The following PROCR variants were observed in gnomAD, a reference collection of about 807,000 sequenced individuals.
PROCR encodes the protein protein C receptor.
In PROCR, 22 loss-of-function variants were observed where a neutral mutation model predicts 24.2. The observed-to-expected ratio is 0.91, with a 90% confidence interval of 0.65 to 1.30. The LOEUF is 1.30. Among genes scored for constraint, PROCR ranks in the 50% most tolerant of loss-of-function variants. The pLI is 0.00. For synonymous variants in PROCR, 137 were observed against 139.2 expected, an observed-to-expected ratio of 0.98 and a Z score of 0.11; for missense variants, 288 against 307.7, an observed-to-expected ratio of 0.94 and a Z score of 0.48.
chr20:35,178,507 G>GTTTTTTTTTTTTTTTT (rs1203789471), downstream of PROCR, among the ~76,000 whole-genome samples: 5 of 34,374 alleles, frequency 1.5e-4, 1 homozygote, highest in African/African-American at 7.3e-4. Context: ...TCAAGTCTCA[G>GTTTTTTTTTTTTTTTT]TTTTTTTTTT....
At chr20:35,209,383 T>C (rs962880052) in intron 1 of PROCR, among the ~76,000 whole-genome samples, 2 of 152,198 alleles carry the variant, frequency 1.3e-5, no homozygotes, top group South Asian at 4.1e-4. Context: ...CTTTTTGCAG[T>C]TCGGGAATCC....
intron 1 of PROCR, among the ~76,000 whole-genome samples, chr20:35,185,746 G>C (rs926378296): frequency 1.3e-5 from 2 of 152,132 alleles, no homozygotes; most frequent in Admixed American, 1.3e-4. Flanking sequence ...AAGAGTGGGA[G>C]GGGGGTGAGG....
In PROCR at chr20:35,174,697, C is replaced by A. The variant is rs772868926; in HGVS notation, c.71-5C>A. 1.2e-6 allele frequency: 2 copies of A among 1,613,744 alleles called. No individual in the cohort carries two copies. The highest frequency in any genetic ancestry group is 2.7e-5 in the African/African-American group (2 of 74,850). On this transcript the variant is annotated splice_region_variant and splice_polypyrimidine_tract_variant and intron_variant, in intron 1 of 3. Coordinates refer to ENST00000216968, the MANE Select transcript of PROCR (RefSeq NM_006404.5). ...GGCCCAGGCTGAAGCTGACTCTGCC[C>A]GCAGGCCTCCAAAGACTTCATATGC...
At chr20:35,179,378 CA>C (rs1009558010), downstream of PROCR, among the ~76,000 whole-genome samples, 5 of 148,588 alleles carry the variant, frequency 3.4e-5, no homozygotes, top group East Asian at 3.9e-4. Flanking sequence ...CCTGTCTCTA[CA>C]AAAAAAAATA....
At chr20:35,201,019 T>C (rs2060316229) in intron 1 of PROCR, among the ~76,000 whole-genome samples, 1 of 152,190 alleles carries the variant, frequency 6.6e-6, no homozygotes, top group East Asian at 1.9e-4. Context: ...ATATTCACTT[T>C]ACTGAAGTGG....
chr20:35,204,809 G>A (rs183461865), intron 1 of PROCR, among the ~76,000 whole-genome samples: 79 of 152,188 alleles, frequency 5.2e-4, no homozygotes, highest in African/African-American at 1.9e-3. Flanking sequence ...GCCAAAATTT[G>A]AAAAAGATAA....
chr20:35,212,379 T>C (rs988575327), intron 1 of PROCR, among the ~76,000 whole-genome samples: 5 of 152,186 alleles, frequency 3.3e-5, no homozygotes, highest in African/African-American at 1.2e-4. Context: ...CTTGTTTTAA[T>C]GTTCTGCTGT....
rs1568591890 is a variant in PROCR, at chr20:35,177,186, C to T, written c.*373C>T. 8.9e-7 allele frequency: 1 copy of T among 1,127,982 alleles called. No homozygotes were observed. The highest frequency in any genetic ancestry group is 1.1e-6 in the Non-Finnish European group (1 of 912,398). 69.9% of individuals were successfully genotyped at this position (1,127,982 alleles called of 1,614,324 possible). A position where few individuals can be genotyped will look rare whatever the true frequency, so the allele number is the denominator to read the frequency against. ...TATAACCAAATAAACAAGTCATCCA[C>T]AATCAAAATACAACATTCAATACTT... On this transcript the variant is annotated 3_prime_UTR_variant, in exon 4 of 4. Transcript: ENST00000216968.
chr20:35,172,177 T>C lies in PROCR; in HGVS notation c.23T>C (p.Ile8Thr), dbSNP rs768578918. Residue 8 changes from isoleucine (I) to threonine (T), a missense_variant, in exon 1 of 4, where the codon ATA (isoleucine) becomes ACA (threonine). Physicochemically the swap from Ile to Thr is moderately conservative, Grantham distance 89. Transcript: ENST00000216968. ...AGGATGTTGACAACATTGCTGCCGA[T>C]ACTGCTGCTGTCTGGCTGGGCCTTT... Reference protein sequence around the residue: MLTTLLPILLLSGWAFCS... With the variant: MLTTLLPTLLLSGWAFCS... 1.2e-6 allele frequency: 2 copies of C among 1,614,186 alleles called. No individual in the cohort carries two copies. The highest frequency in any genetic ancestry group is 2.2e-5 in the South Asian group (2 of 91,086).
At chr20:35,174,584 T>C in intron 1 of PROCR, 118 bp from the exon 2 acceptor site, 4 of 1,295,502 alleles carry the variant, frequency 3.1e-6, no homozygotes, top group Non-Finnish European at 4.4e-6. Context: ...GAGGGCACAT[T>C]ATAGTTTATG....
chr20:35,207,541 T>TG (rs372153925), intron 1 of PROCR, among the ~76,000 whole-genome samples: 2 of 151,456 alleles, frequency 1.3e-5, no homozygotes, highest in East Asian at 1.9e-4. Flanking sequence ...TGTTTTGTTT[T>TG]TTTCTTGAGA....
intron 1 of PROCR, among the ~76,000 whole-genome samples, chr20:35,201,080 G>T (rs749966233): frequency 1.2e-4 from 18 of 151,950 alleles, no homozygotes; most frequent in Non-Finnish European, 1.8e-4. Flanking sequence ...GTTGTGAGAT[G>T]TCAGTGTTTT....
intron 1 of PROCR, among the ~76,000 whole-genome samples, chr20:35,211,019 A>T (rs1158770363): frequency 6.6e-6 from 1 of 152,114 alleles, no homozygotes; most frequent in Non-Finnish European, 1.5e-5. Flanking sequence ...GGCCTTTCTT[A>T]TGAAGACTAG....
intron 1 of PROCR, among the ~76,000 whole-genome samples, chr20:35,213,849 C>T (rs919222904): frequency 2.6e-5 from 4 of 152,036 alleles, no homozygotes; most frequent in Admixed American, 6.6e-5. Context: ...CCAAGGCAGG[C>T]GGATCACATG....
In PROCR at chr20:35,172,339, C is replaced by G. The variant is rs930679151; in HGVS notation, c.70+115C>G. On this transcript the variant is annotated intron_variant, in intron 1 of 3. Coordinates refer to ENST00000216968, the MANE Select transcript of PROCR (RefSeq NM_006404.5). The stretch of plus-strand genomic sequence containing the variant: ...TCACAGCATCTGTGTCTGCAGCTGG[C>G]TAGATCTCTCTACAGGGCAGGCAGA... 9 of 1,285,432 alleles carry G rather than the reference C, an allele frequency of 7.0e-6. No individual in the cohort carries two copies. The African/African-American group carries it at 1.3e-4, about 19-fold the overall frequency. 79.6% of individuals were successfully genotyped at this position (1,285,432 alleles called of 1,614,324 possible). A position where few individuals can be genotyped will look rare whatever the true frequency, so the allele number is the denominator to read the frequency against.
chr20:35,183,352 A>G (rs1346504620), intron 1 of PROCR, among the ~76,000 whole-genome samples: 2 of 152,118 alleles, frequency 1.3e-5, no homozygotes, highest in African/African-American at 4.8e-5. Flanking sequence ...TAGATTACAC[A>G]TGAGATCTCG....
chr20:35,210,955 C>A (rs2060360770), intron 1 of PROCR, among the ~76,000 whole-genome samples: 1 of 152,132 alleles, frequency 6.6e-6, no homozygotes, highest in African/African-American at 2.4e-5. Context: ...TCAGGTGATC[C>A]ACTCACCTCT....
chr20:35,196,033 T>A (rs2086213296), intron 1 of PROCR, among the ~76,000 whole-genome samples: 1 of 149,288 alleles, frequency 6.7e-6, no homozygotes, highest in African/African-American at 2.5e-5. Flanking sequence ...ATACAAAAAA[T>A]TAGCACAGTG....
At chr20:35,192,062 A>C (rs946063256) in intron 1 of PROCR, among the ~76,000 whole-genome samples, 12 of 152,190 alleles carry the variant, frequency 7.9e-5, no homozygotes, top group African/African-American at 2.2e-4. Context: ...AGAAAGAAAA[A>C]GACAAACAAG....
Sources: gnomAD v4.1 joint callset for allele counts (sites outside exome capture counted in the v4.1 genomes callset) on GRCh38, gnomAD v4.1.1 for gene constraint, MANE v1.5 for transcripts, NCBI Gene and HGNC (gene_info 2026-07-23, HGNC 2026-07-21) for gene names.